Variants in IRAK1BP1 observed in about 807,000 individuals in gnomAD.
The protein encoded by IRAK1BP1 is interleukin 1 receptor associated kinase 1 binding protein 1.
IRAK1BP1 carries 24 observed loss-of-function variants against 28.0 expected under a neutral mutation model. The ratio of observed to expected loss-of-function variants is 0.86; its 90% confidence interval spans 0.62 to 1.20. The LOEUF is 1.20. Ranked by LOEUF, IRAK1BP1 falls within the 50% of genes most tolerant of loss-of-function variation. The pLI is 0.00. For synonymous variants in IRAK1BP1, 131 were observed against 116.3 expected (o/e 1.13, Z -0.81); for missense variants, 336 against 316.7 (o/e 1.06, Z -0.46).
rs1337104987 is a variant in IRAK1BP1 at position 78,902,713 on chromosome 6, G to GT, written c.*4380dup. On this transcript the variant is annotated 3_prime_UTR_variant, in exon 4 of 4. Transcript: ENST00000369940. ...TCGAACCTGGGAGGCAGAGCTTACA[G>GT]TGAGCCGAGATCGCACCACTGCACT... 3.4e-6 allele frequency: 1 copy of GT among 296,220 alleles called. No individual in the cohort carries two copies. The highest frequency in any genetic ancestry group is 6.2e-6 in the Non-Finnish European group (1 of 160,042). 18.3% of individuals were successfully genotyped at this position (296,220 alleles called of 1,614,324 possible). A position where few individuals can be genotyped will look rare whatever the true frequency, so the allele number is the denominator to read the frequency against.
the IRAK1BP1 span, among the ~76,000 whole-genome samples, chr6:78,968,061 G>A: frequency 6.6e-6 from 1 of 152,092 alleles, no homozygotes; most frequent in Non-Finnish European, 1.5e-5. Flanking sequence ...TGTGAACCTG[G>A]GAGGTGGAAC....
At chr6:78,946,733 C>T (rs1338333148), downstream of IRAK1BP1, 1 of 1,580,726 alleles carries the variant, frequency 6.3e-7, no homozygotes, top group Non-Finnish European at 8.6e-7. Flanking sequence ...CTACTGGAAA[C>T]AGAGCTGCTT....
chr6:78,961,626 T>G, the IRAK1BP1 span: 1 of 1,540,538 alleles, frequency 6.5e-7, no homozygotes, highest in East Asian at 2.3e-5. Flanking sequence ...CTGCTAAAGA[T>G]CAGTAAATGG....
the IRAK1BP1 span, among the ~76,000 whole-genome samples, chr6:78,964,047 T>C: frequency 8.5e-5 from 13 of 152,208 alleles, no homozygotes; most frequent in Admixed American, 8.5e-4. Context: ...TCCAAGGCAT[T>C]ATAACACCAA....
Position 78,867,830 on chromosome 6 carries a change from A to G in IRAK1BP1, c.254A>G (p.Lys85Arg), listed in dbSNP as rs1770636297. 2 of 1,612,170 alleles carry G rather than the reference A, an allele frequency of 1.2e-6. No homozygotes were observed. The highest frequency in any genetic ancestry group is 1.7e-6 in the Non-Finnish European group (2 of 1,179,082). ...SSTKEAAAEAKKSVCRRLDYI... is the reference protein window; with the variant it reads ...SSTKEAAAEARKSVCRRLDYI... ...ACCAAGGAGGCGGCAGCCGAGGCCA[A>G]AAAGAGCGTTTGTCGCCGTCTAGAT... Residue 85 changes from lysine (K) to arginine (R), a missense_variant, in exon 1 of 4, where the codon AAA becomes AGA. Physicochemically the swap from Lys to Arg is conservative, Grantham distance 26. Transcript: ENST00000369940.
chr6:78,867,997 T>C (rs756754188), intron 1 of IRAK1BP1, 106 bp downstream of exon 1: 3 of 1,262,834 alleles, frequency 2.4e-6, no homozygotes, highest in Non-Finnish European at 3.2e-6. Flanking sequence ...GTGGAGGGTC[T>C]GGAGCGTTTA....
At chr6:78,957,144 T>C in the IRAK1BP1 span, 1 of 152,094 alleles carries the variant, frequency 6.6e-6, no homozygotes, top group East Asian at 1.9e-4. Context: ...TTCAAAGACA[T>C]TTCAAAGTAG....
chr6:78,978,776 C>T, the IRAK1BP1 span: 1 of 1,281,550 alleles, frequency 7.8e-7, no homozygotes, highest in Non-Finnish European at 1.1e-6. Context: ...CAAATCTACT[C>T]TTTAAAATAA....
At chr6:78,871,518 T>G in intron 1 of IRAK1BP1, 2 of 985,440 alleles carry the variant, frequency 2.0e-6, no homozygotes, top group Non-Finnish European at 2.4e-6. Flanking sequence ...AGAACTTACC[T>G]TACATCATGA....
the IRAK1BP1 span, among the ~76,000 whole-genome samples, chr6:78,964,016 C>T: frequency 3.0e-4 from 46 of 152,318 alleles, no homozygotes; most frequent in Middle Eastern, 3.4e-3. Flanking sequence ...GAATCAGTAT[C>T]ACTTATTCAT....
chr6:78,934,511 T>A (rs1036303567), intron 4 of IRAK1BP1, among the ~76,000 whole-genome samples: 1 of 152,174 alleles, frequency 6.6e-6, no homozygotes, highest in Admixed American at 6.5e-5. Context: ...GTAAAAACAT[T>A]AAAAGTCCTT....
chr6:78,909,663 A>G (rs1772353454), intron 4 of IRAK1BP1, among the ~76,000 whole-genome samples: 1 of 152,220 alleles, frequency 6.6e-6, no homozygotes, highest in East Asian at 1.9e-4. Context: ...AAAAAGTGGT[A>G]CATAGGCTAA....
intron 1 of IRAK1BP1, among the ~76,000 whole-genome samples, chr6:78,884,552 T>C (rs559639215): frequency 6.6e-5 from 10 of 152,270 alleles, no homozygotes; most frequent in African/African-American, 2.4e-4. Context: ...TAAATATTTA[T>C]ATCATAGTGG....
chr6:78,975,128 A>C, the IRAK1BP1 span, among the ~76,000 whole-genome samples: 1 of 151,982 alleles, frequency 6.6e-6, no homozygotes, highest in East Asian at 1.9e-4. Flanking sequence ...TCCTCAATAA[A>C]ATACTGGCAA....
intron 1 of IRAK1BP1, among the ~76,000 whole-genome samples, chr6:78,882,026 C>CAT (rs1015679592): frequency 3.3e-5 from 5 of 151,856 alleles, no homozygotes; most frequent in African/African-American, 7.3e-5. Context: ...TATGTCTATG[C>CAT]ATATATATAT....
At chr6:78,935,384 A>T (rs1276259324) in intron 4 of IRAK1BP1, 1 of 404,860 alleles carries the variant, frequency 2.5e-6, no homozygotes, top group Non-Finnish European at 3.3e-6. Context: ...TTCTTAGTCA[A>T]TAAAAATGCA....
chr6:78,969,809 C>A, the IRAK1BP1 span: 7 of 1,139,988 alleles, frequency 6.1e-6, no homozygotes. Context: ...CATCAAACAT[C>A]GATAGCTTCT....
chr6:78,913,274 G>T (rs559690251), intron 4 of IRAK1BP1, among the ~76,000 whole-genome samples: 19 of 151,932 alleles, frequency 1.3e-4, no homozygotes, highest in Admixed American at 7.9e-4. Flanking sequence ...GGCTGAAGTT[G>T]TGGTGAGCTG....
intron 4 of IRAK1BP1, among the ~76,000 whole-genome samples, chr6:78,918,355 C>A (rs1216880520): frequency 2.0e-5 from 3 of 151,786 alleles, no homozygotes; most frequent in Non-Finnish European, 2.9e-5. Context: ...TCAATATTAA[C>A]CCTGAATGCA....
Sources: allele counts gnomAD v4.1 joint callset (sites outside exome capture counted in the v4.1 genomes callset), GRCh38; gene constraint gnomAD v4.1.1; transcripts MANE v1.5; gene names NCBI Gene and HGNC (gene_info 2026-07-23, HGNC 2026-07-21).